PIKFYVE: variants seen among roughly 807,000 people sequenced by gnomAD.
PIKFYVE encodes phosphoinositide kinase, FYVE-type zinc finger containing.
A neutral mutation model predicts 257.9 loss-of-function variants in PIKFYVE; 122 were observed. That is an observed-to-expected ratio of 0.47 (90% confidence interval 0.41 to 0.55). The LOEUF is 0.55. Among genes scored for constraint, PIKFYVE ranks in the 20% least tolerant of loss-of-function variants. PIKFYVE has a pLI of 0.00. For missense variants in PIKFYVE, 2,160 were observed against 2,536.6 expected, an observed-to-expected ratio of 0.85 and a Z score of 3.19; for synonymous variants, 892 against 868.9, an observed-to-expected ratio of 1.03 and a Z score of -0.47.
chr2:208,311,886 CTG>C (rs1302788669), intron 12 of PIKFYVE, among the ~76,000 whole-genome samples: 3 of 152,184 alleles, frequency 2.0e-5, no homozygotes, highest in South Asian at 2.1e-4. Flanking sequence ...GTGAAAAGAA[CTG>C]TAATCTTTTA....
At chr2:208,333,255 A>AT in intron 23 of PIKFYVE, 60 bp from the exon 24 acceptor site, 2 of 1,544,564 alleles carry the variant, frequency 1.3e-6, no homozygotes, top group Non-Finnish European at 1.8e-6. Context: ...AGAAAATGTT[A>AT]TTTTTTGAAA....
intron 16 of PIKFYVE, among the ~76,000 whole-genome samples, chr2:208,319,891 T>G (rs1434728226): frequency 1.3e-5 from 2 of 152,142 alleles, no homozygotes; most frequent in Non-Finnish European, 2.9e-5. Context: ...TTAAAGTTGC[T>G]TATTTCTTGG....
intron 24 of PIKFYVE, 48 bp downstream of exon 24, chr2:208,333,541 C>T (rs764684412): frequency 1.9e-6 from 3 of 1,578,058 alleles, no homozygotes; most frequent in Non-Finnish European, 2.6e-6. Flanking sequence ...CTCATAATCC[C>T]TTAAGAATTT....
At chr2:208,290,665 T>G (rs979002728) in intron 7 of PIKFYVE, among the ~76,000 whole-genome samples, 14 of 152,154 alleles carry the variant, frequency 9.2e-5, no homozygotes, top group African/African-American at 2.9e-4. Flanking sequence ...ATGGTAAGAT[T>G]ATGTTTAATT....
chr2:208,325,089 T>A (rs769185399), intron 19 of PIKFYVE, 52 bp downstream of exon 19: 1 of 1,609,472 alleles, frequency 6.2e-7, no homozygotes, highest in Non-Finnish European at 8.5e-7. Flanking sequence ...AACTTATCAC[T>A]ACTACAATGT....
Position 208,335,292 on chromosome 2 carries a change from T to C in PIKFYVE, c.4143-14T>C, listed in dbSNP as rs1177971537. 9.9e-6 allele frequency: 15 copies of C among 1,517,800 alleles called. No individual in the cohort carries two copies. The highest frequency in any genetic ancestry group is 1.3e-5 in the Non-Finnish European group (14 of 1,092,640). The allele number at this position is 1,517,800 out of a possible 1,614,324, so 94.0% of individuals were successfully genotyped here. A position where few individuals can be genotyped will look rare whatever the true frequency, so the allele number is the denominator to read the frequency against. ...ATTTTTCATTTTCTATTGGTCCTTG[T>C]ATTTTCTTCTCAGTTATTCTCCCAT... On this transcript the variant is annotated splice_polypyrimidine_tract_variant and intron_variant, in intron 24 of 41. Coordinates refer to ENST00000264380, the MANE Select transcript of PIKFYVE (RefSeq NM_015040.4).
At chr2:208,336,994 C>G in intron 28 of PIKFYVE, 66 bp downstream of exon 28, 1 of 1,224,352 alleles carries the variant, frequency 8.2e-7, no homozygotes, top group South Asian at 1.2e-5. Context: ...ATTTATAATA[C>G]TTAGCAGGGA....
intron 16 of PIKFYVE, 122 bp downstream of exon 16, chr2:208,318,063 C>T (rs1460116314): frequency 9.8e-7 from 1 of 1,025,332 alleles, no homozygotes; most frequent in East Asian, 2.4e-5. Context: ...GCTGTGTCTG[C>T]CATAGGGGTG....
chr2:208,320,298 C>G lies in PIKFYVE; in HGVS notation c.2129C>G (p.Ser710Cys). 6.2e-7 allele frequency: 1 copy of G among 1,612,120 alleles called. No homozygotes were observed. The highest frequency in any genetic ancestry group is 8.5e-7 in the Non-Finnish European group (1 of 1,178,702). ...KNPKILLLKC[S>C]IEYLYREETK... The stretch of plus-strand genomic sequence containing the variant: ...CCCAAAATTCTTCTGTTGAAGTGTT[C>G]CATTGAGTATCTCTACAGAGAAGAA... The change falls in exon 17 of 42, where the codon TCC (serine) becomes TGC (cysteine). Residue 710 changes from serine to cysteine, a missense_variant. By Grantham distance (112) the Ser-to-Cys change is moderately radical. This residue lies in a region of PIKFYVE where 346 missense variants were observed against 365.6 expected (regional missense o/e 0.95). Transcript: ENST00000264380.
At position 208,330,040 on chromosome 2, in the gene PIKFYVE, A is replaced by C. The variant is rs144439512; in HGVS notation, c.3791+127A>C. ...GATCCTCACTTTCATAGTGCATATC[A>C]GAGTATATCATTCAAAGAAGTAATA... On this transcript the variant is annotated intron_variant, in intron 22 of 41. Transcript: ENST00000264380. The C allele has an allele frequency of 4.0e-4, 503 of 1,266,446 alleles. 3 individuals are homozygous for C. In the African/African-American group the frequency reaches 6.3e-3, roughly 16 times the overall value. 78.5% of individuals were successfully genotyped at this position (1,266,446 alleles called of 1,614,324 possible). A position where few individuals can be genotyped will look rare whatever the true frequency, so the allele number is the denominator to read the frequency against.
rs571957211 is a variant in PIKFYVE, at chr2:208,301,009, C to T, written c.1123C>T (p.Arg375Cys). ...HSSGMEFQDH[R>C]YWLRTHPNCI... ...CAGTGGAATGGAGTTTCAGGATCAC[C>T]GCTACTGGTTGAGAACGCATCCCAA... The change falls in exon 9 of 42, where the codon CGC becomes TGC. Residue 375 changes from arginine (R) to cysteine (C), a missense_variant. Coordinates refer to ENST00000264380, the MANE Select transcript of PIKFYVE (RefSeq NM_015040.4). The T allele has an allele frequency of 3.8e-5, 62 of 1,614,118 alleles. No individual in the cohort carries two copies. Among genetic ancestry groups the T allele is most frequent in the Middle Eastern group, 1.6e-4 (1 of 6,062 alleles).
At chr2:208,340,195 A>T in intron 31 of PIKFYVE, 64 bp downstream of exon 31, 1 of 1,550,126 alleles carries the variant, frequency 6.5e-7, no homozygotes, top group Middle Eastern at 1.7e-4. Flanking sequence ...TGCTCGCTTC[A>T]TATTTAAATA....
intron 5 of PIKFYVE, among the ~76,000 whole-genome samples, chr2:208,280,859 A>G (rs1328352216): frequency 6.6e-6 from 1 of 152,214 alleles, no homozygotes; most frequent in African/African-American, 2.4e-5. Context: ...CCAATGCCAT[A>G]CATCTCTTAG....
At chr2:208,284,072 T>C (rs948656266) in intron 5 of PIKFYVE, among the ~76,000 whole-genome samples, 1 of 152,188 alleles carries the variant, frequency 6.6e-6, no homozygotes, top group Non-Finnish European at 1.5e-5. Context: ...AAACAACATG[T>C]TATTAGTAAG....
chr2:208,340,706 T>G (rs1473205146), intron 31 of PIKFYVE, among the ~76,000 whole-genome samples: 1 of 152,218 alleles, frequency 6.6e-6, no homozygotes, highest in Non-Finnish European at 1.5e-5. Flanking sequence ...AGGCCTTTTA[T>G]TTTATTAACT....
At chr2:208,321,549 C>T (rs1574617926) in intron 17 of PIKFYVE, among the ~76,000 whole-genome samples, 1 of 141,580 alleles carries the variant, frequency 7.1e-6, no homozygotes, top group East Asian at 2.1e-4. Context: ...AAGGGAAATA[C>T]TTCTTTTTTC....
intron 6 of PIKFYVE, among the ~76,000 whole-genome samples, chr2:208,286,665 C>G (rs140390016): frequency 6.6e-6 from 1 of 151,646 alleles, no homozygotes; most frequent in African/African-American, 2.4e-5. Flanking sequence ...GGACAACAGG[C>G]GCACACCACT....
At position 208,326,017 on chromosome 2, in the gene PIKFYVE, C is replaced by T; in HGVS notation, c.3206C>T (p.Thr1069Ile). ...VITFREPFLL[T>I]EKGMRCSTRD... is the part of the protein sequence containing the mutation. ...ACATTCCGAGAACCCTTTCTTTTAA[C>T]TGAAAAGGGGATGAGATGCTCTACC... The change falls in exon 20 of 42, where the codon ACT becomes ATT. Residue 1069 changes from threonine to isoleucine, a missense_variant. Physicochemically the swap from Thr to Ile is moderately conservative, Grantham distance 89. This residue lies in a region of PIKFYVE where 522 missense variants were observed against 514.6 expected (regional missense o/e 1.01). Coordinates refer to ENST00000264380, the MANE Select transcript of PIKFYVE (RefSeq NM_015040.4). The T allele has an allele frequency of 6.2e-7, 1 of 1,614,130 alleles. No individual in the cohort carries two copies. Among genetic ancestry groups the T allele is most frequent in the Non-Finnish European group, 8.5e-7 (1 of 1,180,012 alleles).
At chr2:208,273,818 C>G in intron 3 of PIKFYVE, 85 bp downstream of exon 3, 1 of 1,506,416 alleles carries the variant, frequency 6.6e-7, no homozygotes, top group Non-Finnish European at 9.2e-7. Context: ...TATAGCAGGA[C>G]TTAACTTTCC....
Sources: allele counts gnomAD v4.1 joint callset (sites outside exome capture counted in the v4.1 genomes callset), GRCh38; gene constraint gnomAD v4.1.1; regional missense constraint gnomAD v4.1.1; transcripts MANE v1.5; gene names NCBI Gene and HGNC (gene_info 2026-07-23, HGNC 2026-07-21).